POLA1: variants seen among roughly 807,000 people sequenced by gnomAD.
POLA1 encodes the protein DNA polymerase alpha catalytic subunit.
POLA1 carries 15 observed loss-of-function variants against 124.0 expected under a neutral mutation model. The ratio of observed to expected loss-of-function variants is 0.12; its 90% CI spans 0.08 to 0.19. The LOEUF (loss-of-function observed/expected upper bound fraction) is 0.19, where lower values mean the gene tolerates loss of function less well. POLA1 is among the 10% of genes least tolerant of loss of function. POLA1 has a pLI of 1.00. For synonymous variants in POLA1, 408 were observed against 389.4 expected (o/e 1.05, Z -0.56); for missense variants, 886 against 1,103.4 (o/e 0.80, Z 2.79).
At chrX:24,757,348 T>C (rs941868133) in intron 26 of POLA1, among the ~76,000 whole-genome samples, 2 of 110,957 alleles carry the variant, frequency 1.8e-5, no homozygotes, top group Non-Finnish European at 3.8e-5. Flanking sequence ...TAATAGTTAT[T>C]TCAGAGCCTA....
At chrX:24,968,733 TA>T (rs1170762411) in intron 36 of POLA1, among the ~76,000 whole-genome samples, 2 of 107,150 alleles carry the variant, frequency 1.9e-5, no homozygotes, top group Non-Finnish European at 3.9e-5. Flanking sequence ...GAATCCATTG[TA>T]TTGGTAAGCT....
At chrX:24,951,432 G>T (rs905282033) in intron 36 of POLA1, among the ~76,000 whole-genome samples, 1 of 94,054 alleles carries the variant, frequency 1.1e-5, no homozygotes, top group Non-Finnish European at 2.0e-5. Context: ...TAGCACACAG[G>T]CAACTCTGCA....
chrX:24,808,747 C>G (rs2045848551), intron 26 of POLA1, among the ~76,000 whole-genome samples: 1 of 111,660 alleles, frequency 9.0e-6, no homozygotes, highest in African/African-American at 3.3e-5. Flanking sequence ...ATAAAAGATA[C>G]TCTAAAGACA....
In POLA1 at chrX:24,751,765, C is replaced by T. The variant is rs368669817; in HGVS notation, c.2964+2773C>T. ...TATGTGATATCTTTCTTTGGGTTAG[C>T]GTCTCTTAATTATTAAAGAGGTAGG... On this transcript the variant is annotated intron_variant, in intron 26 of 36. Transcript: ENST00000379068. 7.1e-5 allele frequency among the ~76,000 whole-genome samples: 8 copies of T among 112,047 alleles called. No homozygotes were observed. In the East Asian group the frequency reaches 1.7e-3, roughly 23 times the overall value.
At chrX:24,793,965 G>GTTTCTT (rs960267026) in intron 26 of POLA1, among the ~76,000 whole-genome samples, 8 of 110,257 alleles carry the variant, frequency 7.3e-5, no homozygotes, top group African/African-American at 2.3e-4. Flanking sequence ...ATGCCCTTTT[G>GTTTCTT]TTTCTTTTTC....
At chrX:24,784,000 G>C (rs1186810650) in intron 26 of POLA1, among the ~76,000 whole-genome samples, 1 of 110,213 alleles carries the variant, frequency 9.1e-6, no homozygotes, top group Non-Finnish European at 1.9e-5. Context: ...CTTAGTTTTG[G>C]GGGGGAAGAT....
chrX:24,986,177 A>G (rs1214065787), intron 36 of POLA1, among the ~76,000 whole-genome samples: 1 of 111,085 alleles, frequency 9.0e-6, no homozygotes, highest in Non-Finnish European at 1.9e-5. Context: ...CATCTCAAAA[A>G]AAAAGAAAGG....
intron 32 of POLA1, among the ~76,000 whole-genome samples, chrX:24,829,949 G>A (rs2046237616): frequency 8.9e-6 from 1 of 112,206 alleles, no homozygotes; most frequent in Non-Finnish European, 1.9e-5. Flanking sequence ...TAAAATACAA[G>A]CCCTCCAACT....
chrX:24,696,109 G>C (rs113364408), intron 1 of POLA1, among the ~76,000 whole-genome samples: 4,521 of 112,663 alleles, frequency 0.04, 219 homozygotes, highest in African/African-American at 0.14. Context: ...AGTAAGATAG[G>C]CATCTTCATG....
At chrX:24,912,421 A>G (rs1282756303) in intron 35 of POLA1, among the ~76,000 whole-genome samples, 3 of 112,055 alleles carry the variant, frequency 2.7e-5, no homozygotes, top group Non-Finnish European at 5.6e-5. Flanking sequence ...TGTTAAGGCA[A>G]TGACTGCCAC....
At chrX:24,932,736 G>A (rs1170699151) in intron 36 of POLA1, among the ~76,000 whole-genome samples, 2 of 111,534 alleles carry the variant, frequency 1.8e-5, no homozygotes, top group African/African-American at 6.5e-5. Context: ...TGTTCCAAGA[G>A]CCCTTTTGTT....
intron 11 of POLA1, 124 bp from the exon 12 acceptor site, chrX:24,724,211 T>A (rs1930390140): frequency 2.4e-6 from 1 of 421,207 alleles, no homozygotes; most frequent in East Asian, 4.3e-5. Context: ...TCTGTAAGAC[T>A]GCTATTAAAT....
At chrX:24,934,378 G>A (rs1315470890) in intron 36 of POLA1, among the ~76,000 whole-genome samples, 3 of 112,041 alleles carry the variant, frequency 2.7e-5, no homozygotes. Context: ...CTTAGAGTCT[G>A]TTGAGGAAAG....
chrX:24,715,343 G>A, intron 6 of POLA1, 140 bp downstream of exon 6: 1 of 376,981 alleles, frequency 2.7e-6, no homozygotes, highest in East Asian at 4.4e-5. Flanking sequence ...CCAGGCTGGT[G>A]TGCAGTGGTG....
intron 26 of POLA1, among the ~76,000 whole-genome samples, chrX:24,794,833 T>C (rs769262878): frequency 9.0e-6 from 1 of 110,860 alleles, no homozygotes; most frequent in Non-Finnish European, 1.9e-5. Flanking sequence ...TCTGTTTTCT[T>C]AGTTTCTCAA....
At position 24,865,999 on chromosome X, in the gene POLA1, G is replaced by A. The variant is rs748231220; in HGVS notation, c.4048-22007G>A. Among the ~76,000 whole-genome samples, 4 of 111,612 alleles carry A rather than the reference G, an allele frequency of 3.6e-5. No individual in the cohort carries two copies. In the South Asian group the frequency reaches 1.5e-3, roughly 42 times the overall value. On this transcript the variant is annotated intron_variant, in intron 34 of 36. Coordinates refer to ENST00000379068, the MANE Select transcript of POLA1 (RefSeq NM_001330360.2). ...AAATACGATGTTTTAGGTATCTGGG[G>A]TTTCTTCTTATCAACTTCCACGCAT...
rs1046549312 is a variant in POLA1, at chrX:24,703,176, A to G, written c.169-75A>G. 1.0e-5 allele frequency: 8 copies of G among 763,526 alleles called. No homozygotes were observed. The Admixed American group carries it at 1.9e-4, about 18-fold the overall frequency. The allele number at this position is 763,526 out of a possible 1,213,427, so 62.9% of individuals were successfully genotyped here. On this transcript the variant is annotated intron_variant, in intron 2 of 36. Coordinates refer to ENST00000379068, the MANE Select transcript of POLA1 (RefSeq NM_001330360.2). ...CTGCCATTCCAGTTTCAATTTGACAATTTTTTCATCAGAATTATTTAACAC... is the reference window on the plus strand; with the variant it reads ...CTGCCATTCCAGTTTCAATTTGACAGTTTTTTCATCAGAATTATTTAACAC...
intron 29 of POLA1, among the ~76,000 whole-genome samples, chrX:24,814,066 CTG>C (rs1183847761): frequency 8.9e-6 from 1 of 111,755 alleles, no homozygotes; most frequent in African/African-American, 3.3e-5. Context: ...GTATAGGTCA[CTG>C]TGAGCCTTTT....
intron 26 of POLA1, among the ~76,000 whole-genome samples, chrX:24,763,861 G>A (rs1006748553): frequency 1.8e-5 from 2 of 111,822 alleles, no homozygotes; most frequent in Non-Finnish European, 3.8e-5. Context: ...GGAAGATAAT[G>A]TAATTATCCA....
Sources: gnomAD v4.1 joint callset for allele counts (sites outside exome capture counted in the v4.1 genomes callset) on GRCh38, gnomAD v4.1.1 for gene constraint, MANE v1.5 for transcripts, NCBI Gene and HGNC (gene_info 2026-07-23, HGNC 2026-07-21) for gene names.